ADCY3: variants seen among roughly 807,000 people sequenced by gnomAD.
ADCY3 encodes the protein adenylate cyclase type 3.
Under a neutral mutation model 119.4 loss-of-function variants are expected in ADCY3, and 70 were observed. The ratio of observed to expected loss-of-function variants is 0.59; its 90% CI spans 0.48 to 0.72. ADCY3 has a LOEUF of 0.72. Among genes scored for constraint, ADCY3 ranks in the 30% least tolerant of loss-of-function variants. The probability of loss-of-function intolerance (pLI) is 0.00; values close to 1 mark genes in which losing one functional copy is unlikely to be tolerated. For missense variants in ADCY3, 1,238 were observed against 1,541.6 expected (o/e 0.80, Z 3.30); for synonymous variants, 672 against 621.4 (o/e 1.08, Z -1.21).
chr2:24,907,674 G>A (rs920922776), intron 2 of ADCY3, among the ~76,000 whole-genome samples: 1 of 152,116 alleles, frequency 6.6e-6, no homozygotes, highest in South Asian at 2.1e-4. Context: ...TAAAATGCAA[G>A]TGACACATAA....
intron 2 of ADCY3, among the ~76,000 whole-genome samples, chr2:24,876,221 C>T (rs765322296): frequency 4.6e-5 from 7 of 152,200 alleles, no homozygotes; most frequent in Admixed American, 2.0e-4. Context: ...AACTCCTGGG[C>T]TCAGGTGATC....
rs749959260 is a variant in ADCY3 at position 24,823,230 on chromosome 2, T to C, written c.2862A>G (p.Glu954=). 2 of 1,612,858 alleles carry C rather than the reference T, an allele frequency of 1.2e-6. No individual in the cohort carries two copies. The highest frequency in any genetic ancestry group is 1.7e-6 in the Non-Finnish European group (2 of 1,179,748). Residue 954 remains glutamate (E), a synonymous_variant, in exon 18 of 22, where the codon GAA becomes GAG. Transcript: ENST00000679454. ...GGIECLRFLN[E]IISDFDSLLD... ...TCACAGAGTCAAAATCTGAGATGAT[T>C]TCATTGAGGAAACGCAGACACTCAA... is the stretch of plus-strand genomic sequence containing the variant.
In ADCY3 at chr2:24,841,809, C is replaced by A. The variant is rs1168777718; in HGVS notation, c.957-142G>T. The A allele has an allele frequency of 4.6e-6, 3 of 649,818 alleles. No individual in the cohort carries two copies. The highest frequency in any genetic ancestry group is 8.2e-6 in the Non-Finnish European group (3 of 363,888). 40.3% of individuals were successfully genotyped at this position (649,818 alleles called of 1,614,324 possible). ...CCCTCACGACCCCCAGACAGTGAGA[C>A]CCTGACCCTTCCAGGTAAAGTCAGG... is the stretch of plus-strand genomic sequence containing the variant. On this transcript the variant is annotated intron_variant, in intron 4 of 21. Transcript: ENST00000679454. The surrounding 1 kb of genome is among the most constrained non-coding windows in gnomAD (Gnocchi z 5.8).
chr2:24,827,199 T>C (rs1390625673), intron 15 of ADCY3, among the ~76,000 whole-genome samples: 1 of 152,186 alleles, frequency 6.6e-6, no homozygotes, highest in Non-Finnish European at 1.5e-5. Flanking sequence ...GAGATGAAAT[T>C]GCAACTCATG....
At chr2:24,825,037 C>T (rs933740228) in intron 16 of ADCY3, among the ~76,000 whole-genome samples, 16 of 152,146 alleles carry the variant, frequency 1.1e-4, no homozygotes, top group Admixed American at 6.5e-4. Context: ...TCCCAGCCTC[C>T]GTAATTACAG....
At chr2:24,852,577 G>A (rs571713336) in intron 3 of ADCY3, among the ~76,000 whole-genome samples, 1 of 152,374 alleles carries the variant, frequency 6.6e-6, no homozygotes, top group African/African-American at 2.4e-5. Context: ...GCAGGCATGA[G>A]TGGCCACCGT....
chr2:24,901,391 G>C (rs1221154974), intron 2 of ADCY3, among the ~76,000 whole-genome samples: 1 of 152,184 alleles, frequency 6.6e-6, no homozygotes, highest in Non-Finnish European at 1.5e-5. Context: ...AACCTACACA[G>C]ATAAAATATG....
chr2:24,833,120 T>G (rs1447090304), intron 11 of ADCY3, among the ~76,000 whole-genome samples: 1 of 152,260 alleles, frequency 6.6e-6, no homozygotes, highest in Non-Finnish European at 1.5e-5. Context: ...CTGCTCCCGC[T>G]GTGCTCACTA....
intron 2 of ADCY3, among the ~76,000 whole-genome samples, chr2:24,907,085 C>G (rs982721932): frequency 5.9e-5 from 9 of 151,950 alleles, no homozygotes; most frequent in Non-Finnish European, 1.0e-4. Flanking sequence ...GAGCCAGGAT[C>G]GCACCACTGC....
At position 24,823,208 on chromosome 2, in the gene ADCY3, C is replaced by G; in HGVS notation, c.2883+1G>C. On this transcript the variant is annotated splice_donor_variant, in intron 18 of 21. Coordinates refer to ENST00000679454, the MANE Select transcript of ADCY3 (RefSeq NM_004036.5). LOFTEE classifies it high-confidence loss of function. ...GAGTGCAGGGTGGGATGGGCACTCA[C>G]AGAGTCAAAATCTGAGATGATTTCA... 6.2e-7 allele frequency: 1 copy of G among 1,611,944 alleles called. No individual in the cohort carries two copies. Among genetic ancestry groups the G allele is most frequent in the Non-Finnish European group, 8.5e-7 (1 of 1,179,404 alleles).
At position 24,855,711 on chromosome 2, in the gene ADCY3, G is replaced by A. The variant is rs561478249; in HGVS notation, c.826-13327C>T. ...GGTTTCCTGGGTAAAGCAAGAACCT[G>A]CCCAGATCCTGGGAAGAAGCACCCA... On this transcript the variant is annotated intron_variant, in intron 3 of 21. Transcript: ENST00000679454. 3.3e-5 allele frequency among the ~76,000 whole-genome samples: 5 copies of A among 152,354 alleles called. No individual in the cohort carries two copies. The South Asian group carries it at 1.0e-3, about 32-fold the overall frequency.
At chr2:24,901,468 A>G (rs1047353741) in intron 2 of ADCY3, among the ~76,000 whole-genome samples, 1 of 152,248 alleles carries the variant, frequency 6.6e-6, no homozygotes, top group Non-Finnish European at 1.5e-5. Flanking sequence ...TTTGACAAAT[A>G]TAAGTAGCTA....
chr2:24,895,553 T>A (rs1033902216), intron 2 of ADCY3, among the ~76,000 whole-genome samples: 1 of 152,170 alleles, frequency 6.6e-6, no homozygotes, highest in African/African-American at 2.4e-5. Flanking sequence ...CATATTAGGG[T>A]CTGTTATATT....
At position 24,834,859 on chromosome 2, in the gene ADCY3, A is replaced by G. The variant is rs1231366593; in HGVS notation, c.1740T>C (p.Ser580=). Residue 580 remains serine, a synonymous_variant, in exon 10 of 22, where the codon TCT becomes TCC. Transcript: ENST00000679454. This position sits in a 1 kb window ranked among gnomAD's most constrained non-coding sequence, Gnocchi z 4.2. ...QDLADRVVDA[S]EDEHELNQLL... ...GCTGGTTGAGCTCGTGCTCATCTTC[A>G]GAGGCATCCACCACTCGGTCAGCCA... is the stretch of plus-strand genomic sequence containing the variant. 1.2e-6 allele frequency: 2 copies of G among 1,613,890 alleles called. No individual in the cohort carries two copies. Among genetic ancestry groups the G allele is most frequent in the Non-Finnish European group, 1.7e-6 (2 of 1,179,994 alleles).
At chr2:24,916,821 G>A (rs1664518453) in intron 2 of ADCY3, among the ~76,000 whole-genome samples, 1 of 152,232 alleles carries the variant, frequency 6.6e-6, no homozygotes. Context: ...CATAGCCACT[G>A]TCTCCAGGAG....
At chr2:24,902,766 G>A (rs144992904) in intron 2 of ADCY3, among the ~76,000 whole-genome samples, 4,451 of 152,132 alleles carry the variant, frequency 0.029, 92 homozygotes, top group African/African-American at 0.055. Flanking sequence ...GCAGTGGCTC[G>A]TGCCTGTAAT....
intron 2 of ADCY3, among the ~76,000 whole-genome samples, chr2:24,901,960 T>A (rs1218327617): frequency 6.6e-6 from 1 of 151,930 alleles, no homozygotes; most frequent in South Asian, 2.1e-4. Flanking sequence ...GTATGCACAA[T>A]TTTTGTGATT....
intron 2 of ADCY3, among the ~76,000 whole-genome samples, chr2:24,905,003 G>A (rs1679310014): frequency 6.6e-6 from 1 of 151,974 alleles, no homozygotes; most frequent in Non-Finnish European, 1.5e-5. Flanking sequence ...CTTTTTCCCT[G>A]ATTATTAGAG....
chr2:24,831,071 C>T (rs1418791418), intron 12 of ADCY3, among the ~76,000 whole-genome samples: 1 of 152,106 alleles, frequency 6.6e-6, no homozygotes, highest in African/African-American at 2.4e-5. Flanking sequence ...CAGCCCTTTC[C>T]ACAGCAGACG....
Sources: allele counts gnomAD v4.1 joint callset (sites outside exome capture counted in the v4.1 genomes callset), GRCh38; gene constraint gnomAD v4.1.1; non-coding constraint Gnocchi (gnomAD v3.1); transcripts MANE v1.5; gene names NCBI Gene and HGNC (gene_info 2026-07-23, HGNC 2026-07-21).